The following CLVS1 variants were observed in gnomAD, a reference collection of about 807,000 sequenced individuals.
CLVS1 encodes the protein clavesin-1.
Under a neutral mutation model 33.1 loss-of-function variants are expected in CLVS1, and 10 were observed. The observed-to-expected ratio is 0.30, with a 90% CI of 0.19 to 0.51. The LOEUF is 0.51. Ranked by LOEUF, CLVS1 falls within the 20% of genes least tolerant of loss-of-function variation. CLVS1 has a pLI of 0.97. For synonymous variants in CLVS1, 163 were observed against 166.1 expected, an observed-to-expected ratio of 0.98 and a Z score of 0.14; for missense variants, 343 against 433.4, an observed-to-expected ratio of 0.79 and a Z score of 1.85.
chr8:61,319,384 C>G (rs1811118649), intron 2 of CLVS1, among the ~76,000 whole-genome samples: 2 of 152,126 alleles, frequency 1.3e-5, no homozygotes, highest in African/African-American at 4.8e-5. Context: ...CATTATTTCC[C>G]CCCATGGACC....
chr8:61,021,773 C>A, the CLVS1 span, among the ~76,000 whole-genome samples: 1 of 152,180 alleles, frequency 6.6e-6, no homozygotes, highest in Non-Finnish European at 1.5e-5. Flanking sequence ...AGGTTTGTTA[C>A]ATGGGTATAT....
chr8:61,137,363 T>C (rs1262070243), intron 2 of CLVS1, among the ~76,000 whole-genome samples: 2 of 152,198 alleles, frequency 1.3e-5, no homozygotes, highest in Non-Finnish European at 2.9e-5. Context: ...GTTTGAATCT[T>C]GGTGCTATCA....
chr8:61,025,229 G>A, the CLVS1 span, among the ~76,000 whole-genome samples: 1 of 152,216 alleles, frequency 6.6e-6, no homozygotes, highest in Admixed American at 6.5e-5. Context: ...TCACTCTATA[G>A]TTTCCAGGCA....
At chr8:61,343,095 G>A (rs570384558) in intron 2 of CLVS1, among the ~76,000 whole-genome samples, 17 of 152,278 alleles carry the variant, frequency 1.1e-4, no homozygotes, top group South Asian at 2.1e-4. Context: ...AAACAAATAT[G>A]ACTTCAAAGT....
chr8:61,396,288 A>G (rs1814525413), intron 3 of CLVS1, among the ~76,000 whole-genome samples: 1 of 152,136 alleles, frequency 6.6e-6, no homozygotes, highest in South Asian at 2.1e-4. Context: ...AATATACACC[A>G]TTTCCTTTTA....
chr8:61,210,528 G>T lies in CLVS1; in HGVS notation c.-152+78668G>T, dbSNP rs182792300. Among the ~76,000 whole-genome samples the T allele has an allele frequency of 8.8e-4, 134 of 152,346 alleles. 1 individual carries two copies. The highest frequency in any genetic ancestry group is 3.1e-3 in the Admixed American group (48 of 15,308). On this transcript the variant is annotated intron_variant, in intron 2 of 2. Transcript: ENST00000522621. ...GGCCTGTGAGAGGGCCACATGGCAG[G>T]GAACTGTGGAGCTTCCAGCTGCTAA...
intron 3 of CLVS1, among the ~76,000 whole-genome samples, chr8:61,387,488 A>ATTTTC (rs1563530241): frequency 7.6e-6 from 1 of 132,130 alleles, no homozygotes. Flanking sequence ...TTTTTTTTTT[A>ATTTTC]AATTTCAATA....
chr8:61,054,873 T>A (rs980181435), upstream of CLVS1, among the ~76,000 whole-genome samples: 2 of 152,182 alleles, frequency 1.3e-5, no homozygotes, highest in Non-Finnish European at 2.9e-5. Context: ...CCACACTGAA[T>A]AAACCAATCA....
intron 2 of CLVS1, among the ~76,000 whole-genome samples, chr8:61,346,619 C>T (rs758312558): frequency 2.0e-5 from 3 of 152,102 alleles, no homozygotes; most frequent in Non-Finnish European, 4.4e-5. Flanking sequence ...ATTATCCTTC[C>T]CTGATGCCTC....
chr8:61,246,106 A>G (rs1285988451), intron 2 of CLVS1, among the ~76,000 whole-genome samples: 2 of 143,404 alleles, frequency 1.4e-5, no homozygotes, highest in African/African-American at 5.1e-5. Flanking sequence ...TGAGTAATTT[A>G]TCTCTTCCAA....
intron 2 of CLVS1, among the ~76,000 whole-genome samples, chr8:61,276,196 T>C (rs1809559149): frequency 6.6e-6 from 1 of 152,198 alleles, no homozygotes; most frequent in South Asian, 2.1e-4. Context: ...GATTGGTAAT[T>C]AGAAAACACT....
At chr8:61,139,227 C>T (rs1806256503) in intron 2 of CLVS1, among the ~76,000 whole-genome samples, 2 of 152,118 alleles carry the variant, frequency 1.3e-5, no homozygotes, top group Non-Finnish European at 2.9e-5. Flanking sequence ...CATTGAGACA[C>T]GAACGAGGGA....
At chr8:61,439,442 TGATTGA>T (rs1816461980) in intron 3 of CLVS1, among the ~76,000 whole-genome samples, 1 of 152,236 alleles carries the variant, frequency 6.6e-6, no homozygotes, top group South Asian at 2.1e-4. Flanking sequence ...TCAGTTCTGC[TGATTGA>T]GAATGCAGGC....
chr8:60,997,810 G>A, the CLVS1 span, among the ~76,000 whole-genome samples: 1 of 152,206 alleles, frequency 6.6e-6, no homozygotes, highest in Admixed American at 6.5e-5. Context: ...GCTGAGAAGA[G>A]CCTAAGACTT....
At chr8:61,180,373 G>T (rs149858018) in intron 2 of CLVS1, among the ~76,000 whole-genome samples, 1 of 152,228 alleles carries the variant, frequency 6.6e-6, no homozygotes, top group East Asian at 1.9e-4. Flanking sequence ...AAAAAGCCCA[G>T]GACCAGGTGG....
chr8:61,481,294 G>C (rs1038450158), intron 5 of CLVS1, among the ~76,000 whole-genome samples: 18 of 152,176 alleles, frequency 1.2e-4, no homozygotes, highest in African/African-American at 4.3e-4. Flanking sequence ...CTCCCAGTGT[G>C]AGCGACGCAG....
chr8:61,440,598 A>G (rs1816503231), intron 3 of CLVS1, among the ~76,000 whole-genome samples: 1 of 152,228 alleles, frequency 6.6e-6, no homozygotes, highest in Admixed American at 6.5e-5. Flanking sequence ...AATATTGTTT[A>G]GGTTGCAGCT....
chr8:61,101,308 G>A (rs748409895), intron 1 of CLVS1, among the ~76,000 whole-genome samples: 1 of 152,018 alleles, frequency 6.6e-6, no homozygotes, highest in Non-Finnish European at 1.5e-5. Flanking sequence ...ATTTTAGTTT[G>A]CATTTCTTTG....
At chr8:61,164,389 C>A (rs578132325) in intron 2 of CLVS1, among the ~76,000 whole-genome samples, 2 of 152,204 alleles carry the variant, frequency 1.3e-5, no homozygotes, top group African/African-American at 2.4e-5. Context: ...AAAGCCCTGG[C>A]TCTTAAAGCT....
Sources: allele counts gnomAD v4.1 joint callset (sites outside exome capture counted in the v4.1 genomes callset), GRCh38; gene constraint gnomAD v4.1.1; transcripts MANE v1.5; gene names NCBI Gene and HGNC (gene_info 2026-07-23, HGNC 2026-07-21).